EPPK1: variants seen among roughly 807,000 people sequenced by gnomAD.
The protein encoded by EPPK1 is epiplakin 1.
For synonymous variants in EPPK1, 1,862 were observed against 1,721.2 expected, an observed-to-expected ratio of 1.08 and a Z score of -2.03; for missense variants, 3,823 against 3,673.3, an observed-to-expected ratio of 1.04 and a Z score of -1.05.
Position 143,857,930 on chromosome 8 carries a change from A to G in EPPK1, c.*57T>C. ...AAAAAAAAAAAAAAACAACCCAGACACACAAGTATGCCTCCACTTCTCCAG... is the reference window on the plus strand; with the variant it reads ...AAAAAAAAAAAAAAACAACCCAGACGCACAAGTATGCCTCCACTTCTCCAG... On this transcript the variant is annotated 3_prime_UTR_variant, in exon 2 of 2. Transcript: ENST00000615648. 1.1e-6 allele frequency: 1 copy of G among 891,312 alleles called. No individual in the cohort carries two copies. The highest frequency in any genetic ancestry group is 1.6e-6 in the Non-Finnish European group (1 of 622,642). The allele number at this position is 891,312 out of a possible 1,614,324, so 55.2% of individuals were successfully genotyped here.
Position 143,869,436 on chromosome 8 carries a change from G to T in EPPK1, c.3818C>A (p.Thr1273Lys). 6.3e-7 allele frequency: 1 copy of T among 1,586,180 alleles called. No homozygotes were observed. The highest frequency in any genetic ancestry group is 8.5e-7 in the Non-Finnish European group (1 of 1,169,976). Residue 1273 changes from threonine to lysine, a missense_variant, in exon 2 of 2, where the codon ACA becomes AAA. Physicochemically the swap from Thr to Lys is moderately conservative, Grantham distance 78. Coordinates refer to ENST00000615648, the MANE Select transcript of EPPK1 (RefSeq NM_031308.4). ...TTCCAGCAGCCTCTGGCCCAGGCCTGTGGGCAGGAGGCCATCCCTCACGGC... is the reference window on the plus strand; with the variant it reads ...TTCCAGCAGCCTCTGGCCCAGGCCTTTGGGCAGGAGGCCATCCCTCACGGC... The part of the protein sequence containing the change: ...AQAVRDGLLP[T>K]GLGQRLLEAQ...
Position 143,867,812 on chromosome 8 carries a change from G to A in EPPK1, c.5442C>T (p.Ile1814=), listed in dbSNP as rs782484203. Residue 1814 remains isoleucine, a synonymous_variant, in exon 2 of 2, where the codon ATC becomes ATT. Coordinates refer to ENST00000615648, the MANE Select transcript of EPPK1 (RefSeq NM_031308.4). ...CCCCACTCTGGGCTCCATACTCCTG[G>A]ATGAGCTCCCGCTTCCTGTCCTCTG... ...YFTEDRKREL[I]QEYGAQSGGL... 1 of 1,613,572 alleles carries A rather than the reference G, an allele frequency of 6.2e-7. No individual in the cohort carries two copies. The highest frequency in any genetic ancestry group is 1.7e-5 in the Admixed American group (1 of 60,012).
rs1457838705 is a variant in EPPK1, at chr8:143,872,217, C to T, written c.1037G>A (p.Gly346Asp). The change falls in exon 2 of 2, where the codon GGC becomes GAC. Residue 346 changes from glycine to aspartate, a missense_variant. Physicochemically the swap from Gly to Asp is moderately conservative, Grantham distance 94. Transcript: ENST00000615648. ...RLWVDEAVRA[G>D]LVSPELHEQL... ...CTCATGGAGCTCTGGGCTGACCAGG[C>T]CCGCCCTGACTGCCTCGTCTACCCA... The T allele has an allele frequency of 1.2e-6, 2 of 1,608,616 alleles. No individual in the cohort carries two copies. The highest frequency in any genetic ancestry group is 1.7e-6 in the Non-Finnish European group (2 of 1,178,004).
At position 143,871,681 on chromosome 8, in the gene EPPK1, C is replaced by T. The variant is rs1554661263; in HGVS notation, c.1573G>A (p.Ala525Thr). The T allele has an allele frequency of 1.2e-6, 2 of 1,604,044 alleles. No homozygotes were observed. The highest frequency in any genetic ancestry group is 1.7e-6 in the Non-Finnish European group (2 of 1,177,006). ...FSEAISSEQR[A>T]MLAQQYQEGT... ...TCCTGGTACTGCTGGGCCAGCATCG[C>T]CCTCTGCTCTGAGGAGATGGCCTCA... Residue 525 changes from alanine to threonine, a missense_variant, in exon 2 of 2, where the codon GCG (alanine) becomes ACG (threonine). Coordinates refer to ENST00000615648, the MANE Select transcript of EPPK1 (RefSeq NM_031308.4).
At position 143,857,888 on chromosome 8, in the gene EPPK1, A is replaced by C; in HGVS notation, c.*99T>G. 1 of 884,582 alleles carries C rather than the reference A, an allele frequency of 1.1e-6. No homozygotes were observed. 54.8% of individuals were successfully genotyped at this position (884,582 alleles called of 1,614,324 possible). On this transcript the variant is annotated 3_prime_UTR_variant, in exon 2 of 2. Coordinates refer to ENST00000615648, the MANE Select transcript of EPPK1 (RefSeq NM_031308.4). ...ACGAATGGGTAAAACAACAAAATTA[A>C]AGAATGACAAAAAAAAAAAAAAAAA... is the stretch of plus-strand genomic sequence containing the variant.
At position 143,871,606 on chromosome 8, in the gene EPPK1, C is replaced by G; in HGVS notation, c.1648G>C (p.Glu550Gln). ...KLAAKLSATL[E>Q]QAAATARVTF... ...ACCCTGGCAGTGGCTGCAGCCTGCT[C>G]GAGGGTGGCGCTCAGCTTAGCGGCC... Residue 550 changes from glutamate to glutamine, a missense_variant, in exon 2 of 2, where the codon GAG (glutamate) becomes CAG (glutamine). Transcript: ENST00000615648. The G allele has an allele frequency of 6.2e-7, 1 of 1,608,002 alleles. No individual in the cohort carries two copies. Among genetic ancestry groups the G allele is most frequent in the Non-Finnish European group, 8.5e-7 (1 of 1,178,232 alleles).
chr8:143,874,254 C>A (rs546687981), intron 1 of EPPK1, among the ~76,000 whole-genome samples: 2 of 152,222 alleles, frequency 1.3e-5, no homozygotes, highest in Non-Finnish European at 2.9e-5. Context: ...CACTCCTGCA[C>A]GTCAACTGCC....
At position 143,872,943 on chromosome 8, in the gene EPPK1, A is replaced by G. The variant is rs1554661778; in HGVS notation, c.311T>C (p.Val104Ala). 1 of 1,609,958 alleles carries G rather than the reference A, an allele frequency of 6.2e-7. No homozygotes were observed. The highest frequency in any genetic ancestry group is 1.1e-5 in the South Asian group (1 of 90,896). ...CAGCTTCTCCTTCAGCTCCAGCCCC[A>G]CCAGACCCTGCTGCAGGGCCTTGGA... ...PVSKALQQGL[V>A]GLELKEKLLA... The change falls in exon 2 of 2, where the codon GTG becomes GCG. Residue 104 changes from valine to alanine, a missense_variant. Val to Ala is a moderately conservative substitution (Grantham distance 64). Coordinates refer to ENST00000615648, the MANE Select transcript of EPPK1 (RefSeq NM_031308.4).
chr8:143,875,750 G>A (rs991115325), intron 1 of EPPK1, among the ~76,000 whole-genome samples: 10 of 152,274 alleles, frequency 6.6e-5, no homozygotes, highest in African/African-American at 1.9e-4. Context: ...GCCAAAAGCT[G>A]CTGGCCTGAC....
In EPPK1 at chr8:143,873,281, C is replaced by T; in HGVS notation, c.-28G>A. ...CACACGGCTGGTTATGCAGAGCCTG[C>T]TGAGGTCCACCTCTGTCCTGCAGGG... On this transcript the variant is annotated 5_prime_UTR_variant, in exon 2 of 2. Coordinates refer to ENST00000615648, the MANE Select transcript of EPPK1 (RefSeq NM_031308.4). 9 of 1,509,554 alleles carry T rather than the reference C, an allele frequency of 6.0e-6. No individual in the cohort carries two copies. The highest frequency in any genetic ancestry group is 7.9e-6 in the Non-Finnish European group (9 of 1,137,604). 93.5% of individuals were successfully genotyped at this position (1,509,554 alleles called of 1,614,324 possible).
In EPPK1 at chr8:143,872,253, C is replaced by G. The variant is rs1418890189; in HGVS notation, c.1001G>C (p.Gly334Ala). Residue 334 changes from glycine (G) to alanine (A), a missense_variant, in exon 2 of 2, where the codon GGC becomes GCC. Coordinates refer to ENST00000615648, the MANE Select transcript of EPPK1 (RefSeq NM_031308.4). ...ATHTLVDPITGQRLWVDEAVR... is the reference protein window; with the variant it reads ...ATHTLVDPITAQRLWVDEAVR... Reference sequence around the variant, plus strand: ...TGCCTCGTCTACCCACAGCCGCTGGCCTGTGATGGGGTCCACCAGGGTGTG... The same window carrying G: ...TGCCTCGTCTACCCACAGCCGCTGGGCTGTGATGGGGTCCACCAGGGTGTG... 2.5e-6 allele frequency: 4 copies of G among 1,609,512 alleles called. No homozygotes were observed. The East Asian group carries it at 6.7e-5, about 27-fold the overall frequency.
chr8:143,877,213 C>T (rs1341511039), intron 1 of EPPK1, among the ~76,000 whole-genome samples: 1 of 152,222 alleles, frequency 6.6e-6, no homozygotes, highest in East Asian at 1.9e-4. Flanking sequence ...CCTCTGGGCC[C>T]TGCCCCTTCC....
In EPPK1 at chr8:143,878,467, C is replaced by T. The variant is rs1306961609; in HGVS notation, c.-75G>A. 1 of 148,002 alleles carries T rather than the reference C, an allele frequency of 6.8e-6. No individual in the cohort carries two copies. Among genetic ancestry groups the T allele is most frequent in the African/African-American group, 2.5e-5 (1 of 39,522 alleles). 9.2% of individuals were successfully genotyped at this position (148,002 alleles called of 1,614,324 possible). Reference sequence around the variant, plus strand: ...CCGCTCGCCGCTCGGTCCGCAGTGTCTCCGCGCGCCCGCTCCGCCCGCATT... The same window carrying T: ...CCGCTCGCCGCTCGGTCCGCAGTGTTTCCGCGCGCCCGCTCCGCCCGCATT... On this transcript the variant is annotated 5_prime_UTR_variant, in exon 1 of 2. Transcript: ENST00000615648.
Position 143,857,907 on chromosome 8 carries a change from A to AAAC in EPPK1, c.*79_*80insGTT. 5 of 785,140 alleles carry AAAC rather than the reference A, an allele frequency of 6.4e-6. No individual in the cohort carries two copies. Among genetic ancestry groups the AAAC allele is most frequent in the Admixed American group, 3.7e-5 (1 of 27,136 alleles). 48.6% of individuals were successfully genotyped at this position (785,140 alleles called of 1,614,324 possible). A position where few individuals can be genotyped will look rare whatever the true frequency, so the allele number is the denominator to read the frequency against. ...AAATTAAAGAATGACAAAAAAAAAA[A>AAAC]AAAAAAAAAAAACAACCCAGACACA... On this transcript the variant is annotated 3_prime_UTR_variant, in exon 2 of 2. Transcript: ENST00000615648.
rs782415036 is a variant in EPPK1, at chr8:143,870,746, C to T, written c.2508G>A (p.Leu836=). ...CCTCGCTGAAGTACTCAGAGTTGAT[C>T]AGCTCCCACGCGGAGACCCTCTGCC... is the stretch of plus-strand genomic sequence containing the variant. ...FQGQRVSAWE[L]INSEYFSEGR... Residue 836 remains leucine (L), a synonymous_variant, in exon 2 of 2, where the codon CTG becomes CTA. Transcript: ENST00000615648. The surrounding 1 kb of genome is among the most constrained non-coding windows in gnomAD (Gnocchi z 5.2). The T allele has an allele frequency of 6.2e-7, 1 of 1,612,550 alleles. No individual in the cohort carries two copies. Among genetic ancestry groups the T allele is most frequent in the Non-Finnish European group, 8.5e-7 (1 of 1,179,820 alleles).
In EPPK1 at chr8:143,872,288, C is replaced by T; in HGVS notation, c.966G>A (p.Gln322=). 1.2e-6 allele frequency: 2 copies of T among 1,604,614 alleles called. No homozygotes were observed. Among genetic ancestry groups the T allele is most frequent in the South Asian group, 2.2e-5 (2 of 90,120 alleles). The change falls in exon 2 of 2, where the codon CAG becomes CAA. Residue 322 remains glutamine, a synonymous_variant. Transcript: ENST00000615648. ...MGTALPLLEA[Q]AATHTLVDPI... ...GGTCCACCAGGGTGTGGGTGGCAGC[C>T]TGGGCCTCTAGGAGTGGCAGCGCGG...
At position 143,857,999 on chromosome 8, in the gene EPPK1, G is replaced by C. The variant is rs370272198; in HGVS notation, c.15255C>G (p.Leu5085=). The change falls in exon 2 of 2, where the codon CTC becomes CTG. Residue 5085 remains leucine, a synonymous_variant. Transcript: ENST00000615648. ...DPETGLLFLS[L]SLQ ...GGAGGAAGCCCAGTCACTGTAGAGA[G>C]AGAGAAAGAAATAGGAGCCCCGTCT... 23 of 1,604,196 alleles carry C rather than the reference G, an allele frequency of 1.4e-5. No individual in the cohort carries two copies. Among genetic ancestry groups the C allele is most frequent in the Non-Finnish European group, 1.4e-5 (16 of 1,174,640 alleles).
At position 143,868,334 on chromosome 8, in the gene EPPK1, C is replaced by T. The variant is rs782179451; in HGVS notation, c.4920G>A (p.Val1640=). The part of the protein sequence containing the change: ...KAGMFGKETY[V]KLLSAERAVT... ...CGGCGCGCTCGGCCGACAGCAGCTTCACGTAGGTTTCTTTCCCGAACATTC... is the reference window on the plus strand; with the variant it reads ...CGGCGCGCTCGGCCGACAGCAGCTTTACGTAGGTTTCTTTCCCGAACATTC... Residue 1640 remains valine (V), a synonymous_variant, in exon 2 of 2, where the codon GTG becomes GTA. Transcript: ENST00000615648. The T allele has an allele frequency of 1.2e-6, 2 of 1,613,150 alleles. No individual in the cohort carries two copies. Among genetic ancestry groups the T allele is most frequent in the South Asian group, 2.2e-5 (2 of 91,080 alleles).
Position 143,868,804 on chromosome 8 carries a change from G to A in EPPK1, c.4450C>T (p.Arg1484Trp), listed in dbSNP as rs367640883. 1.2e-5 allele frequency: 20 copies of A among 1,602,540 alleles called. No individual in the cohort carries two copies. Among genetic ancestry groups the A allele is most frequent in the Admixed American group, 5.0e-5 (3 of 59,638 alleles). The part of the protein sequence containing the change: ...LSEYVGADKR[R>W]ELVALCRSGR... Reference sequence around the variant, plus strand: ...GACCGACAGAGTGCCACCAGCTCCCGCCGCTTGTCAGCGCCAACGTATTCG... The same window carrying A: ...GACCGACAGAGTGCCACCAGCTCCCACCGCTTGTCAGCGCCAACGTATTCG... Residue 1484 changes from arginine to tryptophan, a missense_variant, in exon 2 of 2, where the codon CGG becomes TGG. Coordinates refer to ENST00000615648, the MANE Select transcript of EPPK1 (RefSeq NM_031308.4).
Sources: gnomAD v4.1 joint callset for allele counts (sites outside exome capture counted in the v4.1 genomes callset) on GRCh38, gnomAD v4.1.1 for gene constraint, Gnocchi (gnomAD v3.1) non-coding constraint, MANE v1.5 for transcripts, NCBI Gene and HGNC (gene_info 2026-07-23, HGNC 2026-07-21) for gene names.